Variants in KCNB2 observed in about 807,000 individuals in gnomAD.
The protein encoded by KCNB2 is potassium voltage-gated channel subfamily B member 2, also known as delayed rectifier potassium channel protein.
In KCNB2, 15 loss-of-function variants were observed where a neutral mutation model predicts 61.5. The observed-to-expected ratio is 0.24, with a 90% CI of 0.16 to 0.38. The LOEUF is 0.38. KCNB2 is among the 10% of genes least tolerant of loss of function. KCNB2 has a pLI of 1.00. For missense variants in KCNB2, 828 were observed against 1,125.2 expected, an observed-to-expected ratio of 0.74 and a Z score of 3.78; for synonymous variants, 457 against 446.0, an observed-to-expected ratio of 1.02 and a Z score of -0.31.
chr8:72,604,509 A>C (rs1805416031), intron 2 of KCNB2, among the ~76,000 whole-genome samples: 1 of 152,180 alleles, frequency 6.6e-6, no homozygotes, highest in Non-Finnish European at 1.5e-5. Flanking sequence ...AAATAAACAA[A>C]TAATGTCAAC....
chr8:72,539,533 C>G (rs538254103), intron 1 of KCNB2, among the ~76,000 whole-genome samples: 2 of 152,162 alleles, frequency 1.3e-5, no homozygotes, highest in Non-Finnish European at 2.9e-5. Flanking sequence ...CTTGGCAGTT[C>G]TGTTTGTTTT....
intron 2 of KCNB2, among the ~76,000 whole-genome samples, chr8:72,722,121 A>G (rs1387994360): frequency 1.3e-5 from 2 of 151,978 alleles, no homozygotes; most frequent in African/African-American, 4.8e-5. Flanking sequence ...GCCTCCTCAT[A>G]TCTTCTCAAA....
intron 2 of KCNB2, among the ~76,000 whole-genome samples, chr8:72,787,912 G>T (rs889650511): frequency 2.0e-5 from 3 of 152,114 alleles, no homozygotes; most frequent in African/African-American, 7.2e-5. Context: ...TGCATAGCAA[G>T]GTGGTTGAAT....
chr8:72,626,294 G>T (rs1024017453), intron 2 of KCNB2, among the ~76,000 whole-genome samples: 1 of 152,178 alleles, frequency 6.6e-6, no homozygotes, highest in African/African-American at 2.4e-5. Flanking sequence ...AATTTGAACT[G>T]CCAGTCACTT....
chr8:72,665,465 A>T (rs1425884240), intron 2 of KCNB2, among the ~76,000 whole-genome samples: 1 of 152,164 alleles, frequency 6.6e-6, no homozygotes, highest in African/African-American at 2.4e-5. Context: ...TAAAAAGTGA[A>T]AGAAAATGGT....
At chr8:72,713,283 G>A (rs528439810) in intron 2 of KCNB2, among the ~76,000 whole-genome samples, 1 of 152,326 alleles carries the variant, frequency 6.6e-6, no homozygotes, top group South Asian at 2.1e-4. Flanking sequence ...AGACTTAAAT[G>A]TCCCTGTCTG....
At chr8:72,608,023 C>T (rs896032653) in intron 2 of KCNB2, among the ~76,000 whole-genome samples, 1 of 152,122 alleles carries the variant, frequency 6.6e-6, no homozygotes, top group African/African-American at 2.4e-5. Context: ...CAGATAATGT[C>T]CTGCCTAATG....
At chr8:72,639,339 A>G (rs532785880) in intron 2 of KCNB2, among the ~76,000 whole-genome samples, 14 of 152,248 alleles carry the variant, frequency 9.2e-5, no homozygotes, top group Non-Finnish European at 1.9e-4. Context: ...CACAAGTTAT[A>G]TTACTGATTA....
chr8:72,743,761 G>T (rs1250999068), intron 2 of KCNB2, among the ~76,000 whole-genome samples: 2 of 152,062 alleles, frequency 1.3e-5, no homozygotes, highest in Non-Finnish European at 2.9e-5. Context: ...CACATTTCCT[G>T]TAAGTTTCAC....
chr8:72,721,129 A>C lies in KCNB2; in HGVS notation c.579+152816A>C, dbSNP rs116607189. Among the ~76,000 whole-genome samples, 598 of 152,352 alleles carry C rather than the reference A, an allele frequency of 3.9e-3. 4 individuals are homozygous for C. The highest frequency in any genetic ancestry group is 0.014 in the African/African-American group (568 of 41,582). On this transcript the variant is annotated intron_variant, in intron 2 of 2. Coordinates refer to ENST00000523207, the MANE Select transcript of KCNB2 (RefSeq NM_004770.3). ...CCTACATTAAAGATACACTAAAAAA[A>C]CTGAAACTTTAAAATTGAAACTGAA... is the stretch of plus-strand genomic sequence containing the variant.
Position 72,652,363 on chromosome 8 carries a change from G to A in KCNB2, c.579+84050G>A, listed in dbSNP as rs557513824. On this transcript the variant is annotated intron_variant, in intron 2 of 2. Transcript: ENST00000523207. ...GGCAGCCCTGAGTGAGGCCACCATCGTCCGATGTCTAGACTACTGCAAGAG... is the reference window on the plus strand; with the variant it reads ...GGCAGCCCTGAGTGAGGCCACCATCATCCGATGTCTAGACTACTGCAAGAG... 7.9e-5 allele frequency among the ~76,000 whole-genome samples: 12 copies of A among 151,972 alleles called. No homozygotes were observed. The South Asian group carries it at 1.5e-3, about 18-fold the overall frequency.
Position 72,911,517 on chromosome 8 carries a change from C to T in KCNB2, c.580-24418C>T, listed in dbSNP as rs143060406. On this transcript the variant is annotated intron_variant, in intron 2 of 2. Transcript: ENST00000523207. ...TGAGGCACCAAATGAATCGTTTTAG[C>T]CAAGACTGTACCATGACATCATTGA... 1.0e-3 allele frequency among the ~76,000 whole-genome samples: 153 copies of T among 152,310 alleles called. 1 individual carries two copies. The highest frequency in any genetic ancestry group is 3.4e-3 in the African/African-American group (142 of 41,556).
intron 2 of KCNB2, among the ~76,000 whole-genome samples, chr8:72,622,812 A>G (rs1805732840): frequency 6.6e-6 from 1 of 152,160 alleles, no homozygotes; most frequent in Admixed American, 6.5e-5. Flanking sequence ...ACCCCTATCT[A>G]CTAAAATGCT....
intron 2 of KCNB2, among the ~76,000 whole-genome samples, chr8:72,573,719 T>C (rs1585760053): frequency 6.7e-6 from 1 of 149,708 alleles, no homozygotes; most frequent in African/African-American, 2.5e-5. Flanking sequence ...ATCCTCTACA[T>C]TGAGGCCCCT....
rs200187955 is a variant in KCNB2, at chr8:72,796,548, GT to G, written c.580-139383del. 3.0e-4 allele frequency among the ~76,000 whole-genome samples: 46 copies of G among 152,158 alleles called. No individual in the cohort carries two copies. In the East Asian group the frequency reaches 8.5e-3, roughly 28 times the overall value. The stretch of plus-strand genomic sequence containing the variant: ...CATGTCAAATTTAAAAGTAATTATG[GT>G]TTTCAGCTTCCCACTGGTGCTGTGG... On this transcript the variant is annotated intron_variant, in intron 2 of 2. Transcript: ENST00000523207.
intron 2 of KCNB2, among the ~76,000 whole-genome samples, chr8:72,744,334 C>T (rs1808021284): frequency 6.6e-6 from 1 of 152,114 alleles, no homozygotes; most frequent in South Asian, 2.1e-4. Context: ...ATACCACCTA[C>T]CACAGTGAGC....
chr8:72,713,114 G>T (rs1807353885), intron 2 of KCNB2, among the ~76,000 whole-genome samples: 1 of 152,266 alleles, frequency 6.6e-6, no homozygotes. Context: ...GGCTGGGGGA[G>T]GGGCGCCCGC....
chr8:72,845,790 C>T (rs990274992), intron 2 of KCNB2, among the ~76,000 whole-genome samples: 1 of 152,188 alleles, frequency 6.6e-6, no homozygotes, highest in Admixed American at 6.5e-5. Flanking sequence ...CCCCTCCCCC[C>T]CATCAAACTC....
At chr8:72,612,683 C>T (rs1469193016) in intron 2 of KCNB2, among the ~76,000 whole-genome samples, 1 of 152,150 alleles carries the variant, frequency 6.6e-6, no homozygotes, top group Non-Finnish European at 1.5e-5. Flanking sequence ...TGAACAGAAA[C>T]AGTTGCCTTG....
Sources: gnomAD v4.1 joint callset for allele counts (sites outside exome capture counted in the v4.1 genomes callset) on GRCh38, gnomAD v4.1.1 for gene constraint, MANE v1.5 for transcripts, NCBI Gene and HGNC (gene_info 2026-07-23, HGNC 2026-07-21) for gene names.